Variants in PGM2L1 observed in about 807,000 individuals in gnomAD.
PGM2L1 encodes phosphoglucomutase 2 like 1, also known as glucose 1,6-bisphosphate synthase.
Under a neutral mutation model 73.4 loss-of-function variants are expected in PGM2L1, and 35 were observed. That is an observed-to-expected ratio of 0.48 (90% confidence interval 0.36 to 0.63). The LOEUF (loss-of-function observed/expected upper bound fraction) is 0.63. Among genes scored for constraint, PGM2L1 ranks in the 30% least tolerant of loss-of-function variants. PGM2L1 has a pLI of 0.00. For missense variants in PGM2L1, 570 were observed against 742.0 expected (o/e 0.77, Z 2.69); for synonymous variants, 225 against 253.8 (o/e 0.89, Z 1.08).
intron 12 of PGM2L1, 126 bp from the exon 13 acceptor site, chr11:74,338,727 G>GA: frequency 1.6e-6 from 2 of 1,216,220 alleles, no homozygotes; most frequent in Non-Finnish European, 2.2e-6. Flanking sequence ...TACAGAAATA[G>GA]AAATTAGAAT....
chr11:74,369,768 A>C lies in PGM2L1; in HGVS notation c.471+1134T>G, dbSNP rs566990332. 2.6e-5 allele frequency among the ~76,000 whole-genome samples: 4 copies of C among 152,302 alleles called. No homozygotes were observed. The South Asian group carries it at 8.3e-4, about 32-fold the overall frequency. Reference sequence around the variant, plus strand: ...TTTATTAATTTATTTATTTATTGACATGGAGTCTTGCTCTGCTGTCCAGGC... The same window carrying C: ...TTTATTAATTTATTTATTTATTGACCTGGAGTCTTGCTCTGCTGTCCAGGC... On this transcript the variant is annotated intron_variant, in intron 4 of 13. Coordinates refer to ENST00000298198, the MANE Select transcript of PGM2L1 (RefSeq NM_173582.6).
chr11:74,385,494 C>G (rs114539058), intron 1 of PGM2L1, among the ~76,000 whole-genome samples: 1 of 152,184 alleles, frequency 6.6e-6, no homozygotes, highest in East Asian at 1.9e-4. Flanking sequence ...ACTTTGGAAT[C>G]TAACTCCTAA....
chr11:74,368,461 G>C, intron 5 of PGM2L1, 31 bp downstream of exon 5: 2 of 1,539,446 alleles, frequency 1.3e-6, no homozygotes, highest in African/African-American at 1.4e-5. Context: ...TGAACTATAA[G>C]ATAAGCAAAG....
At chr11:74,394,431 C>G (rs570512720) in intron 1 of PGM2L1, among the ~76,000 whole-genome samples, 107 of 152,294 alleles carry the variant, frequency 7.0e-4, no homozygotes, top group African/African-American at 2.3e-3. Flanking sequence ...ACATTCTGGA[C>G]TTGTAAATTT....
At chr11:74,370,568 C>T (rs965633568) in intron 4 of PGM2L1, among the ~76,000 whole-genome samples, 1 of 151,710 alleles carries the variant, frequency 6.6e-6, no homozygotes, top group Non-Finnish European at 1.5e-5. Context: ...TACACACATA[C>T]ACACACACAC....
intron 4 of PGM2L1, among the ~76,000 whole-genome samples, chr11:74,370,367 T>C (rs1365864021): frequency 1.3e-5 from 2 of 152,224 alleles, no homozygotes; most frequent in African/African-American, 4.8e-5. Context: ...GTTATCTTCC[T>C]TAATCCATGA....
intron 5 of PGM2L1, among the ~76,000 whole-genome samples, chr11:74,363,553 C>T (rs1482185157): frequency 6.6e-6 from 1 of 152,140 alleles, no homozygotes; most frequent in Non-Finnish European, 1.5e-5. Flanking sequence ...CCACCAATCC[C>T]ACAGAAATAC....
rs186929958 is a variant in PGM2L1, at chr11:74,381,902, C to T, written c.112-7320G>A. On this transcript the variant is annotated intron_variant, in intron 1 of 13. Transcript: ENST00000298198. ...ATACCCAGCACGCTAACCATTGCTT[C>T]CCCCCCACCCCCACCAATGGTAACC... 3.2e-3 allele frequency among the ~76,000 whole-genome samples: 488 copies of T among 151,116 alleles called. 3 individuals carry two copies. In the Middle Eastern group the frequency reaches 0.034, roughly 11 times the overall value.
chr11:74,360,847 C>T (rs11236073), intron 5 of PGM2L1, among the ~76,000 whole-genome samples: 82,448 of 151,942 alleles, frequency 0.54, 24,633 homozygotes, highest in East Asian at 0.8. Context: ...GCAGTGAGGC[C>T]GGGGGAGGGG....
At chr11:74,369,318 A>T (rs549574316) in intron 4 of PGM2L1, among the ~76,000 whole-genome samples, 1 of 151,080 alleles carries the variant, frequency 6.6e-6, no homozygotes, top group Non-Finnish European at 1.5e-5. Flanking sequence ...GAATTGGCCA[A>T]CAAAGGTGAA....
At chr11:74,359,076 C>A (rs540343666) in intron 5 of PGM2L1, among the ~76,000 whole-genome samples, 2 of 152,128 alleles carry the variant, frequency 1.3e-5, no homozygotes, top group Admixed American at 1.3e-4. Flanking sequence ...CATATATATT[C>A]ATGCATATAT....
intron 1 of PGM2L1, among the ~76,000 whole-genome samples, chr11:74,394,788 C>T (rs940305191): frequency 6.6e-6 from 1 of 152,170 alleles, no homozygotes; most frequent in African/African-American, 2.4e-5. Context: ...AATACACCAA[C>T]CGAGACTAAG....
intron 1 of PGM2L1, among the ~76,000 whole-genome samples, chr11:74,381,496 G>C (rs1565444899): frequency 6.6e-6 from 1 of 151,416 alleles, no homozygotes. Context: ...ACGTGAGCAA[G>C]AAATAAATTT....
intron 5 of PGM2L1, chr11:74,355,170 G>T: frequency 7.1e-7 from 1 of 1,413,324 alleles, no homozygotes; most frequent in Non-Finnish European, 9.9e-7. Context: ...TGGCAGTGGG[G>T]ATGGCTATAA....
At chr11:74,362,153 G>A (rs1162276845) in intron 5 of PGM2L1, among the ~76,000 whole-genome samples, 1 of 152,158 alleles carries the variant, frequency 6.6e-6, no homozygotes, top group Non-Finnish European at 1.5e-5. Context: ...AGAGAGAAAA[G>A]TTGGGTTACT....
chr11:74,389,445 T>C (rs1272562580), intron 1 of PGM2L1, among the ~76,000 whole-genome samples: 1 of 152,042 alleles, frequency 6.6e-6, no homozygotes, highest in African/African-American at 2.4e-5. Flanking sequence ...GGAAAAATAC[T>C]TTTTTAAAAA....
intron 5 of PGM2L1, 102 bp downstream of exon 5, chr11:74,368,390 G>T: frequency 1.0e-6 from 1 of 986,622 alleles, no homozygotes; most frequent in Non-Finnish European, 1.6e-6. Context: ...TGTTCCCAAT[G>T]TCTAGCTCTG....
chr11:74,361,174 C>T (rs1395503118), intron 5 of PGM2L1, among the ~76,000 whole-genome samples: 6 of 152,156 alleles, frequency 3.9e-5, no homozygotes, highest in Admixed American at 6.5e-5. Flanking sequence ...ACACCTCACA[C>T]GGCCGGGTAC....
chr11:74,394,790 G>A (rs1006145136), intron 1 of PGM2L1, among the ~76,000 whole-genome samples: 4 of 151,996 alleles, frequency 2.6e-5, no homozygotes, highest in East Asian at 3.9e-4. Flanking sequence ...TACACCAACC[G>A]AGACTAAGAT....
Sources: gnomAD v4.1 joint callset for allele counts (sites outside exome capture counted in the v4.1 genomes callset) on GRCh38, gnomAD v4.1.1 for gene constraint, MANE v1.5 for transcripts, NCBI Gene and HGNC (gene_info 2026-07-23, HGNC 2026-07-21) for gene names.